Variants in NEGR1 observed in about 807,000 individuals in gnomAD.
NEGR1 encodes neuronal growth regulator 1, also known as IgLON family member 4.
Under a neutral mutation model 40.9 loss-of-function variants are expected in NEGR1, and 10 were observed. The observed-to-expected ratio is 0.24, with a 90% confidence interval of 0.15 to 0.42. NEGR1 has a LOEUF of 0.42. NEGR1 is among the 10% of genes least tolerant of loss of function. NEGR1 has a pLI of 1.00. For synonymous variants in NEGR1, 185 were observed against 166.8 expected (o/e 1.11, Z -0.84); for missense variants, 352 against 438.9 (o/e 0.80, Z 1.77).
At chr1:71,753,362 G>A (rs1235396162) in intron 3 of NEGR1, among the ~76,000 whole-genome samples, 1 of 152,152 alleles carries the variant, frequency 6.6e-6, no homozygotes, top group African/African-American at 2.4e-5. Context: ...GATCGAGGTA[G>A]AAGTATATTC....
intron 3 of NEGR1, among the ~76,000 whole-genome samples, chr1:71,722,372 G>T (rs146680379): frequency 6.6e-6 from 1 of 151,566 alleles, no homozygotes; most frequent in Non-Finnish European, 1.5e-5. Flanking sequence ...ATTTATCCAC[G>T]TATTATTTTA....
chr1:72,248,009 C>T (rs560232492), intron 1 of NEGR1, among the ~76,000 whole-genome samples: 6 of 152,030 alleles, frequency 3.9e-5, no homozygotes, highest in Admixed American at 2.6e-4. Context: ...GAGTGTGCGT[C>T]GGCAGGGAGA....
intron 3 of NEGR1, among the ~76,000 whole-genome samples, chr1:71,745,076 C>T (rs1655340416): frequency 6.6e-6 from 1 of 152,108 alleles, no homozygotes; most frequent in East Asian, 1.9e-4. Context: ...ATCCTTCTTC[C>T]TTGAAATCAT....
At position 71,978,709 on chromosome 1, in the gene NEGR1, G is replaced by A. The variant is rs1361294588; in HGVS notation, c.177-43398C>T. Among the ~76,000 whole-genome samples the A allele has an allele frequency of 2.0e-5, 3 of 152,000 alleles. No homozygotes were observed. The East Asian group carries it at 5.8e-4, about 29-fold the overall frequency. ...ATTATTAAAAAATCAAAAATAACAT[G>A]CTAGCAAGGTTGCAGAGAAAAGGAA... On this transcript the variant is annotated intron_variant, in intron 1 of 6. Coordinates refer to ENST00000357731, the MANE Select transcript of NEGR1 (RefSeq NM_173808.3).
chr1:71,990,246 TA>T (rs1229395884), intron 1 of NEGR1, among the ~76,000 whole-genome samples: 1 of 152,188 alleles, frequency 6.6e-6, no homozygotes, highest in Non-Finnish European at 1.5e-5. Context: ...CTGTCACAGC[TA>T]CCTGACTCCC....
chr1:71,605,417 G>A (rs941071416), intron 5 of NEGR1, among the ~76,000 whole-genome samples: 2 of 152,010 alleles, frequency 1.3e-5, no homozygotes, highest in African/African-American at 2.4e-5. Flanking sequence ...AACGGTGCAG[G>A]CAAAATAACA....
intron 1 of NEGR1, among the ~76,000 whole-genome samples, chr1:72,273,089 C>G (rs191206926): frequency 1.8e-4 from 28 of 152,056 alleles, no homozygotes; most frequent in Admixed American, 7.9e-4. Context: ...ACATCCTCAA[C>G]ATTATAAATC....
intron 2 of NEGR1, among the ~76,000 whole-genome samples, chr1:71,878,564 T>C (rs1244804159): frequency 6.6e-6 from 1 of 152,230 alleles, no homozygotes; most frequent in East Asian, 1.9e-4. Context: ...ATCATAAAAA[T>C]ATATAGTTTT....
intron 2 of NEGR1, among the ~76,000 whole-genome samples, chr1:71,921,731 TATAG>T (rs1257679184): frequency 1.5e-5 from 2 of 133,386 alleles, no homozygotes; most frequent in East Asian, 2.3e-4. Flanking sequence ...TATATATATA[TATAG>T]AATACCATCG....
intron 2 of NEGR1, among the ~76,000 whole-genome samples, chr1:71,785,636 A>C (rs1656884562): frequency 6.6e-6 from 1 of 152,166 alleles, no homozygotes; most frequent in African/African-American, 2.4e-5. Flanking sequence ...ACCCTTTGGA[A>C]TGGCCCAAGT....
chr1:71,662,817 T>C (rs576773565), intron 4 of NEGR1, among the ~76,000 whole-genome samples: 22 of 152,030 alleles, frequency 1.4e-4, no homozygotes, highest in African/African-American at 5.1e-4. Flanking sequence ...ACTAGTTCAG[T>C]TTTATTAAAA....
At chr1:72,041,638 C>T (rs1646955155) in intron 1 of NEGR1, among the ~76,000 whole-genome samples, 1 of 149,864 alleles carries the variant, frequency 6.7e-6, no homozygotes, top group African/African-American at 2.4e-5. Context: ...CCTCAAATCC[C>T]ACTTGTGGGT....
At chr1:72,074,324 C>A (rs973588223) in intron 1 of NEGR1, among the ~76,000 whole-genome samples, 1 of 152,000 alleles carries the variant, frequency 6.6e-6, no homozygotes, top group Non-Finnish European at 1.5e-5. Flanking sequence ...AGAATTGCTA[C>A]AAAATAATTG....
At chr1:71,667,774 C>T (rs1367697637) in intron 4 of NEGR1, among the ~76,000 whole-genome samples, 1 of 152,082 alleles carries the variant, frequency 6.6e-6, no homozygotes, top group African/African-American at 2.4e-5. Context: ...TTTCCTTATC[C>T]TCACTAGCTT....
At chr1:71,609,383 C>T (rs563591657) in intron 5 of NEGR1, among the ~76,000 whole-genome samples, 211 of 150,760 alleles carry the variant, frequency 1.4e-3, no homozygotes, top group Non-Finnish European at 1.9e-3. Flanking sequence ...GGCGTGGTGG[C>T]GGGCACCTGT....
At chr1:71,423,031 A>G (rs895561150) in intron 6 of NEGR1, 7 of 152,202 alleles carry the variant, frequency 4.6e-5, no homozygotes, top group Admixed American at 3.9e-4. Flanking sequence ...TGAAACAGGT[A>G]TCCTGAGTCT....
chr1:71,806,852 C>T (rs544533309), intron 2 of NEGR1, among the ~76,000 whole-genome samples: 1 of 151,686 alleles, frequency 6.6e-6, no homozygotes, highest in Non-Finnish European at 1.5e-5. Flanking sequence ...CCTAGCATAC[C>T]ACACAAACTT....
At chr1:71,694,376 AG>A (rs1270701218) in intron 4 of NEGR1, among the ~76,000 whole-genome samples, 4 of 151,772 alleles carry the variant, frequency 2.6e-5, no homozygotes, top group African/African-American at 7.2e-5. Flanking sequence ...ATAAGGAAAA[AG>A]TTACGAATAA....
chr1:71,583,338 G>A (rs1570064356), intron 6 of NEGR1, among the ~76,000 whole-genome samples: 1 of 152,130 alleles, frequency 6.6e-6, no homozygotes, highest in African/African-American at 2.4e-5. Flanking sequence ...AGCATGTGAG[G>A]CTCATTCTTT....
Sources: allele counts gnomAD v4.1 joint callset (sites outside exome capture counted in the v4.1 genomes callset), GRCh38; gene constraint gnomAD v4.1.1; transcripts MANE v1.5; gene names NCBI Gene and HGNC (gene_info 2026-07-23, HGNC 2026-07-21).